The following ATP6V1H variants were observed in gnomAD, a reference collection of about 807,000 sequenced individuals.
ATP6V1H encodes V-type proton ATPase subunit H.
ATP6V1H carries 39 observed loss-of-function variants against 71.7 expected under a neutral mutation model. The observed-to-expected ratio is 0.54, with a 90% confidence interval of 0.42 to 0.71. ATP6V1H has a LOEUF of 0.71. Among genes scored for constraint, ATP6V1H ranks in the 30% least tolerant of loss-of-function variants. The pLI is 0.00. For synonymous variants in ATP6V1H, 192 were observed against 199.3 expected (o/e 0.96, Z 0.31); for missense variants, 509 against 594.9 (o/e 0.86, Z 1.50).
intron 2 of ATP6V1H, among the ~76,000 whole-genome samples, chr8:53,836,070 A>T (rs192120217): frequency 1.3e-5 from 2 of 152,342 alleles, no homozygotes; most frequent in African/African-American, 4.8e-5. Flanking sequence ...ATTCTGGCTA[A>T]GCACTTCACG....
intron 4 of ATP6V1H, among the ~76,000 whole-genome samples, chr8:53,821,387 A>AG (rs1554569113): frequency 1.0e-4 from 15 of 150,652 alleles, no homozygotes; most frequent in South Asian, 6.3e-4. Flanking sequence ...AAAAAAAAAA[A>AG]AGAGAGAGAG....
chr8:53,778,760 C>A (rs1808988649), intron 9 of ATP6V1H, among the ~76,000 whole-genome samples: 2 of 151,992 alleles, frequency 1.3e-5, no homozygotes, highest in African/African-American at 2.4e-5. Context: ...ACTAGATACT[C>A]CAGTTAAGAG....
chr8:53,763,180 G>C (rs1379096293), intron 11 of ATP6V1H, among the ~76,000 whole-genome samples: 1 of 152,098 alleles, frequency 6.6e-6, no homozygotes, highest in Non-Finnish European at 1.5e-5. Context: ...AGGAGGGTCG[G>C]CATCCCTAAT....
At chr8:53,781,637 T>C (rs1002109902) in intron 9 of ATP6V1H, among the ~76,000 whole-genome samples, 3 of 152,108 alleles carry the variant, frequency 2.0e-5, no homozygotes, top group Admixed American at 6.6e-5. Context: ...CTGAATGGTA[T>C]TGCCTAGGTT....
chr8:53,823,054 C>T (rs1810710781), intron 4 of ATP6V1H, among the ~76,000 whole-genome samples: 1 of 151,772 alleles, frequency 6.6e-6, no homozygotes, highest in Admixed American at 6.6e-5. Flanking sequence ...ACATACCACT[C>T]TTAGTACAAA....
chr8:53,814,109 T>C (rs1810369760), intron 6 of ATP6V1H, among the ~76,000 whole-genome samples: 1 of 152,152 alleles, frequency 6.6e-6, no homozygotes, highest in Non-Finnish European at 1.5e-5. Flanking sequence ...TTTATTAGTG[T>C]AATCGGTTAG....
chr8:53,814,541 A>G, intron 6 of ATP6V1H, 121 bp downstream of exon 6: 1 of 592,362 alleles, frequency 1.7e-6, no homozygotes, highest in Non-Finnish European at 2.9e-6. Flanking sequence ...TTACTTGACA[A>G]GTTCAAAACG....
intron 11 of ATP6V1H, among the ~76,000 whole-genome samples, chr8:53,769,001 G>A (rs1585765545): frequency 6.6e-6 from 1 of 152,122 alleles, no homozygotes; most frequent in East Asian, 1.9e-4. Context: ...AACCTGGAGG[G>A]CACTGGTGGA....
chr8:53,781,007 G>A (rs1428812764), intron 9 of ATP6V1H, among the ~76,000 whole-genome samples: 4 of 152,180 alleles, frequency 2.6e-5, no homozygotes, highest in Non-Finnish European at 5.9e-5. Flanking sequence ...ACATACGTGT[G>A]CATGTGTCTT....
At chr8:53,798,808 G>A (rs1809824614) in intron 8 of ATP6V1H, among the ~76,000 whole-genome samples, 2 of 152,114 alleles carry the variant, frequency 1.3e-5, no homozygotes, top group Admixed American at 6.5e-5. Flanking sequence ...AATCTTATTA[G>A]TGGTCATTAG....
intron 13 of ATP6V1H, among the ~76,000 whole-genome samples, chr8:53,718,825 G>C (rs1639213647): frequency 6.6e-6 from 1 of 152,132 alleles, no homozygotes; most frequent in Non-Finnish European, 1.5e-5. Context: ...TTTGGATTTG[G>C]GGGAAGAACA....
At chr8:53,738,122 T>C (rs1183830558) in intron 13 of ATP6V1H, among the ~76,000 whole-genome samples, 2 of 151,990 alleles carry the variant, frequency 1.3e-5, no homozygotes, top group Admixed American at 1.3e-4. Context: ...TAAAAGATGT[T>C]TCATCTCTAC....
At chr8:53,750,298 G>T (rs542690352) in intron 12 of ATP6V1H, among the ~76,000 whole-genome samples, 1 of 152,288 alleles carries the variant, frequency 6.6e-6, no homozygotes, top group African/African-American at 2.4e-5. Flanking sequence ...TAACACACAT[G>T]TAAAACAAGA....
At chr8:53,809,351 GC>G (rs1437946483) in intron 7 of ATP6V1H, among the ~76,000 whole-genome samples, 39 of 152,112 alleles carry the variant, frequency 2.6e-4, no homozygotes, top group African/African-American at 9.4e-4. Flanking sequence ...CAAAGGAAGG[GC>G]TGACACCCTA....
chr8:53,777,043 C>T (rs1454521804), intron 9 of ATP6V1H, among the ~76,000 whole-genome samples: 1 of 152,026 alleles, frequency 6.6e-6, no homozygotes, highest in Non-Finnish European at 1.5e-5. Context: ...TTCCCTCCCA[C>T]AAACAAAGTG....
At chr8:53,729,789 G>A (rs1171743443) in intron 13 of ATP6V1H, among the ~76,000 whole-genome samples, 1 of 152,206 alleles carries the variant, frequency 6.6e-6, no homozygotes. Flanking sequence ...TCCAGCCGCA[G>A]CTCTGTGGAA....
chr8:53,719,732 TCTC>T (rs552354949), intron 13 of ATP6V1H, among the ~76,000 whole-genome samples: 5 of 152,176 alleles, frequency 3.3e-5, no homozygotes, highest in Admixed American at 1.3e-4. Context: ...ATTAATATCT[TCTC>T]CCTTTTACAA....
chr8:53,757,225 C>A (rs1275308111), intron 11 of ATP6V1H, among the ~76,000 whole-genome samples: 3 of 152,208 alleles, frequency 2.0e-5, no homozygotes, highest in African/African-American at 7.2e-5. Context: ...AATACAACCA[C>A]ATAAATTGTC....
intron 3 of ATP6V1H, among the ~76,000 whole-genome samples, chr8:53,830,017 A>G (rs1014568101): frequency 6.6e-6 from 1 of 152,196 alleles, no homozygotes; most frequent in African/African-American, 2.4e-5. Context: ...ACAATATATT[A>G]CCTACCAACT....
Sources: allele counts gnomAD v4.1 joint callset (sites outside exome capture counted in the v4.1 genomes callset), GRCh38; gene constraint gnomAD v4.1.1; transcripts MANE v1.5; gene names NCBI Gene and HGNC (gene_info 2026-07-23, HGNC 2026-07-21).